KCNH5: variants seen among roughly 807,000 people sequenced by gnomAD.
KCNH5 encodes voltage-gated delayed rectifier potassium channel KCNH5.
In KCNH5, 46 loss-of-function variants were observed where a neutral mutation model predicts 96.1. The observed-to-expected ratio is 0.48, with a 90% CI of 0.38 to 0.61. The LOEUF (loss-of-function observed/expected upper bound fraction) is 0.61, where lower values mean the gene tolerates loss of function less well. KCNH5 is among the 20% of genes least tolerant of loss of function. The probability of loss-of-function intolerance (pLI) is 0.00; values close to 1 mark genes in which losing one functional copy is unlikely to be tolerated. For synonymous variants in KCNH5, 439 were observed against 449.8 expected (o/e 0.98, Z 0.30); for missense variants, 907 against 1,225.8 (o/e 0.74, Z 3.88).
chr14:62,734,488 T>C (rs1885115623), intron 10 of KCNH5, among the ~76,000 whole-genome samples: 1 of 152,098 alleles, frequency 6.6e-6, no homozygotes, highest in Non-Finnish European at 1.5e-5. Flanking sequence ...CTCCCTAAGA[T>C]ACCTTTGACC....
intron 5 of KCNH5, among the ~76,000 whole-genome samples, chr14:62,984,854 T>C (rs11848897): frequency 0.083 from 12,563 of 152,210 alleles, 579 homozygotes; most frequent in Non-Finnish European, 0.092. Flanking sequence ...TTTCCGTTGA[T>C]ACAGTGAAAA....
chr14:62,902,951 C>T (rs1293436998), intron 7 of KCNH5, among the ~76,000 whole-genome samples: 3 of 152,118 alleles, frequency 2.0e-5, no homozygotes, highest in Non-Finnish European at 4.4e-5. Context: ...AACTCCTAGA[C>T]TCGTGATCCA....
intron 10 of KCNH5, among the ~76,000 whole-genome samples, chr14:62,764,943 T>A (rs985562029): frequency 6.6e-6 from 1 of 152,236 alleles, no homozygotes; most frequent in Non-Finnish European, 1.5e-5. Flanking sequence ...ATAACTATAA[T>A]GTCCAATGGT....
intron 9 of KCNH5, among the ~76,000 whole-genome samples, chr14:62,783,057 ATAT>A (rs1400191301): frequency 2.0e-5 from 3 of 152,198 alleles, no homozygotes; most frequent in African/African-American, 7.2e-5. Flanking sequence ...AAATAATGAA[ATAT>A]TATGCAGCCA....
intron 9 of KCNH5, among the ~76,000 whole-genome samples, chr14:62,783,263 G>C (rs182123579): frequency 2.0e-5 from 3 of 152,106 alleles, no homozygotes; most frequent in Non-Finnish European, 4.4e-5. Flanking sequence ...TCCTCTCTGC[G>C]TTATGGAACA....
intron 7 of KCNH5, among the ~76,000 whole-genome samples, chr14:62,935,581 C>T (rs1889664208): frequency 6.6e-6 from 1 of 152,120 alleles, no homozygotes; most frequent in African/African-American, 2.4e-5. Flanking sequence ...TAAAAGGCTT[C>T]TCTTCTTCCT....
rs1215129073 is a variant in KCNH5 at position 62,700,254 on chromosome 14, A to C, written c.*7254T>G. On this transcript the variant is annotated 3_prime_UTR_variant, in exon 11 of 11. Transcript: ENST00000322893. Reference sequence around the variant, plus strand: ...ACTTCTAAAAGTCATTGCTCTTTCAACAAACTACAATGGATGTTTTAGGGT... The same window carrying C: ...ACTTCTAAAAGTCATTGCTCTTTCACCAAACTACAATGGATGTTTTAGGGT... The C allele has an allele frequency of 6.6e-6, 1 of 152,228 alleles. No individual in the cohort carries two copies. The highest frequency in any genetic ancestry group is 1.5e-5 in the Non-Finnish European group (1 of 68,032). 9.4% of individuals were successfully genotyped at this position (152,228 alleles called of 1,614,324 possible).
chr14:62,899,643 A>G (rs2140091890), intron 7 of KCNH5, among the ~76,000 whole-genome samples: 1 of 151,574 alleles, frequency 6.6e-6, no homozygotes, highest in Middle Eastern at 3.4e-3. Flanking sequence ...CATCCCGGCT[A>G]AAAACGGTGA....
chr14:62,880,903 GA>G (rs1888478474), intron 7 of KCNH5, among the ~76,000 whole-genome samples: 1 of 152,106 alleles, frequency 6.6e-6, no homozygotes, highest in Admixed American at 6.6e-5. Flanking sequence ...ACAGAATTTG[GA>G]ACTAACAAAG....
chr14:63,024,032 A>T (rs149875479), intron 1 of KCNH5, among the ~76,000 whole-genome samples: 97 of 152,066 alleles, frequency 6.4e-4, no homozygotes, highest in African/African-American at 2.3e-3. Context: ...ATATGGTAAA[A>T]CCCTGTCTCT....
chr14:62,930,454 A>G (rs1444850716), intron 7 of KCNH5, among the ~76,000 whole-genome samples: 1 of 152,156 alleles, frequency 6.6e-6, no homozygotes, highest in Non-Finnish European at 1.5e-5. Flanking sequence ...CAAGCCAAAG[A>G]TTTTAAAGGC....
intron 5 of KCNH5, among the ~76,000 whole-genome samples, chr14:62,986,356 GC>G (rs1890708099): frequency 6.6e-6 from 1 of 152,050 alleles, no homozygotes; most frequent in Non-Finnish European, 1.5e-5. Flanking sequence ...CATTTTCCTG[GC>G]ACATGAGACA....
intron 1 of KCNH5, among the ~76,000 whole-genome samples, chr14:63,034,959 A>C (rs1349438931): frequency 1.3e-5 from 2 of 152,208 alleles, no homozygotes. Flanking sequence ...TAGAAGCAAA[A>C]TATAATTGCA....
chr14:62,853,494 A>ATATCATATATATATAT (rs375695583), intron 7 of KCNH5, among the ~76,000 whole-genome samples: 2 of 102,072 alleles, frequency 2.0e-5, no homozygotes, highest in African/African-American at 6.9e-5. Flanking sequence ...ATATATATAT[A>ATATCATATATATATAT]ATCTTGGCCA....
At chr14:62,815,565 CA>C (rs1356847534) in intron 8 of KCNH5, among the ~76,000 whole-genome samples, 2 of 151,930 alleles carry the variant, frequency 1.3e-5, no homozygotes, top group Non-Finnish European at 2.9e-5. Flanking sequence ...GTGATTATTT[CA>C]TTTTACATAT....
intron 8 of KCNH5, among the ~76,000 whole-genome samples, chr14:62,810,661 T>C (rs1886855190): frequency 6.6e-6 from 1 of 152,096 alleles, no homozygotes; most frequent in Non-Finnish European, 1.5e-5. Flanking sequence ...ACAAATGCGA[T>C]GTCAATGTCA....
chr14:62,962,177 T>C (rs1414635388), intron 6 of KCNH5, among the ~76,000 whole-genome samples: 1 of 152,184 alleles, frequency 6.6e-6, no homozygotes, highest in Non-Finnish European at 1.5e-5. Flanking sequence ...CTGAATCTTC[T>C]ATGAAAATGA....
chr14:62,766,237 T>A (rs774578544), intron 10 of KCNH5, among the ~76,000 whole-genome samples: 1 of 152,074 alleles, frequency 6.6e-6, no homozygotes, highest in Non-Finnish European at 1.5e-5. Flanking sequence ...AGAATGTAAA[T>A]TAGTACAACC....
At chr14:63,023,147 G>A (rs1326074229) in intron 1 of KCNH5, among the ~76,000 whole-genome samples, 1 of 151,494 alleles carries the variant, frequency 6.6e-6, no homozygotes, top group Non-Finnish European at 1.5e-5. Context: ...AGGTTACAGT[G>A]AGCCAAGATC....
Sources: allele counts gnomAD v4.1 joint callset (sites outside exome capture counted in the v4.1 genomes callset), GRCh38; gene constraint gnomAD v4.1.1; transcripts MANE v1.5; gene names NCBI Gene and HGNC (gene_info 2026-07-23, HGNC 2026-07-21).